ECD: variants seen among roughly 807,000 people sequenced by gnomAD.
ECD encodes protein ecdysoneless homolog.
In ECD, 59 loss-of-function variants were observed where a neutral mutation model predicts 77.2. The observed-to-expected ratio is 0.76, with a 90% CI of 0.62 to 0.95. The LOEUF (loss-of-function observed/expected upper bound fraction) is 0.95. ECD is among the 40% of genes least tolerant of loss of function. The pLI is 0.00. For missense variants in ECD, 704 were observed against 763.4 expected, an observed-to-expected ratio of 0.92 and a Z score of 0.92; for synonymous variants, 233 against 267.4, an observed-to-expected ratio of 0.87 and a Z score of 1.26.
chr10:73,146,146 C>G, intron 9 of ECD, 130 bp downstream of exon 9: 1 of 325,838 alleles, frequency 3.1e-6, no homozygotes, highest in Non-Finnish European at 4.8e-6. Context: ...GCGGAGGTTG[C>G]CAGCCTGGGT....
intron 2 of ECD, 23 bp downstream of exon 2, chr10:73,163,710 C>T: frequency 6.2e-7 from 1 of 1,610,404 alleles, no homozygotes. Context: ...TCACACTAAT[C>T]CAAACAAGTA....
At chr10:73,158,295 A>G (rs1843327447) in intron 3 of ECD, among the ~76,000 whole-genome samples, 1 of 152,172 alleles carries the variant, frequency 6.6e-6, no homozygotes, top group African/African-American at 2.4e-5. Context: ...TTGCTAAGGC[A>G]GTAGATTTTA....
chr10:73,140,104 C>G (rs1843033198), intron 9 of ECD, among the ~76,000 whole-genome samples: 3 of 151,942 alleles, frequency 2.0e-5, no homozygotes, highest in East Asian at 2.0e-4. Context: ...CCTGCCTCAA[C>G]CTCCCAAGTA....
At chr10:73,163,695 A>C in intron 2 of ECD, 38 bp downstream of exon 2, 1 of 1,593,852 alleles carries the variant, frequency 6.3e-7, no homozygotes, top group Non-Finnish European at 8.6e-7. Flanking sequence ...GGATAACATT[A>C]AAAGTCACAC....
intron 5 of ECD, among the ~76,000 whole-genome samples, chr10:73,155,638 G>A (rs7478608): frequency 0.01 from 1,366 of 130,916 alleles, 22 homozygotes; most frequent in African/African-American, 0.028. Flanking sequence ...TCCTACTGTC[G>A]CCCAGGCTGG....
intron 1 of ECD, among the ~76,000 whole-genome samples, chr10:73,166,552 C>A (rs1240863326): frequency 6.6e-6 from 1 of 152,158 alleles, no homozygotes; most frequent in Non-Finnish European, 1.5e-5. Context: ...ATTTGCATTT[C>A]TCTGATAATC....
chr10:73,157,181 T>C (rs1449751921), intron 3 of ECD, among the ~76,000 whole-genome samples: 2 of 151,402 alleles, frequency 1.3e-5, no homozygotes, highest in African/African-American at 4.8e-5. Flanking sequence ...TCCTGAGTAG[T>C]TGGGATTACA....
intron 8 of ECD, among the ~76,000 whole-genome samples, chr10:73,146,861 T>C (rs1843136804): frequency 6.6e-6 from 1 of 152,184 alleles, no homozygotes; most frequent in Non-Finnish European, 1.5e-5. Context: ...GAATAAAAAA[T>C]GGCAAAATCC....
chr10:73,157,021 A>G (rs908055062), intron 3 of ECD, among the ~76,000 whole-genome samples: 2 of 152,092 alleles, frequency 1.3e-5, no homozygotes, highest in African/African-American at 4.8e-5. Context: ...GCCTGAAAAG[A>G]TAATTATTTC....
chr10:73,144,472 A>T (rs1188753010), intron 9 of ECD, among the ~76,000 whole-genome samples: 1 of 152,132 alleles, frequency 6.6e-6, no homozygotes, highest in Non-Finnish European at 1.5e-5. Context: ...TCTAGGCAAC[A>T]GAGTGAGACT....
At chr10:73,153,156 G>A (rs768172869) in intron 6 of ECD, among the ~76,000 whole-genome samples, 1 of 151,854 alleles carries the variant, frequency 6.6e-6, no homozygotes, top group African/African-American at 2.4e-5. Context: ...GACCTCAGGT[G>A]ATCTGCCCAC....
chr10:73,160,656 A>ACTTAGAGCAATC, intron 2 of ECD, 105 bp from the exon 3 acceptor site: 1 of 803,568 alleles, frequency 1.2e-6, no homozygotes, highest in Non-Finnish European at 1.9e-6. Flanking sequence ...TGATTGCTCT[A>ACTTAGAGCAATC]AGTACTGGGG....
At position 73,148,483 on chromosome 10, in the gene ECD, T is replaced by G. The variant is rs550567790; in HGVS notation, c.913-79A>C. 3 of 1,519,362 alleles carry G rather than the reference T, an allele frequency of 2.0e-6. No individual in the cohort carries two copies. In the African/African-American group the frequency reaches 4.1e-5, roughly 21 times the overall value. The allele number at this position is 1,519,362 out of a possible 1,614,324, so 94.1% of individuals were successfully genotyped here. ...ATTATAACACATTACTTTTTTTCCA[T>G]TGAGCCACACTCTAGAACTAGATGA... On this transcript the variant is annotated intron_variant, in intron 7 of 13. Coordinates refer to ENST00000372979, the MANE Select transcript of ECD (RefSeq NM_007265.3).
chr10:73,137,390 G>A (rs1457465317), intron 12 of ECD, among the ~76,000 whole-genome samples: 1 of 151,914 alleles, frequency 6.6e-6, no homozygotes, highest in Non-Finnish European at 1.5e-5. Flanking sequence ...TTTTATTACT[G>A]ATTTGTAAGT....
intron 1 of ECD, among the ~76,000 whole-genome samples, 152 bp from the exon 2 acceptor site, chr10:73,164,102 G>C (rs552804093): frequency 6.6e-6 from 1 of 152,066 alleles, no homozygotes; most frequent in Non-Finnish European, 1.5e-5. Context: ...TTGGGAGGCC[G>C]AGACAGGCAG....
chr10:73,141,232 G>A (rs911032042), intron 9 of ECD, among the ~76,000 whole-genome samples: 7 of 151,146 alleles, frequency 4.6e-5, no homozygotes, highest in African/African-American at 1.2e-4. Context: ...GGCCGGGTGC[G>A]GTGGCTCACG....
chr10:73,162,928 T>C (rs1459347354), intron 2 of ECD, among the ~76,000 whole-genome samples: 1 of 152,124 alleles, frequency 6.6e-6, no homozygotes, highest in African/African-American at 2.4e-5. Context: ...GCTGGGAACA[T>C]ACCAAGGAAA....
chr10:73,139,847 G>GTTTTTTTTTTT (rs199551005), intron 9 of ECD, 110 bp from the exon 10 acceptor site: 1 of 495,436 alleles, frequency 2.0e-6, no homozygotes, highest in Non-Finnish European at 3.2e-6. Context: ...AATTTGGGGA[G>GTTTTTTTTTTT]TGTTTTTTTT....
In ECD at chr10:73,152,377, C is replaced by T. The variant is rs1451297944; in HGVS notation, c.828G>A (p.Arg276=). 2.5e-6 allele frequency: 4 copies of T among 1,613,874 alleles called. No homozygotes were observed. The highest frequency in any genetic ancestry group is 3.4e-6 in the Non-Finnish European group (4 of 1,179,828). ...KCLYAQLVQQ[R]FVPDRRSGYR... is the part of the protein sequence containing the mutation. ...ATCCACTCCGCCGGTCTGGCACAAA[C>T]CTTTGTTGCACCAATTGTGCATATA... Residue 276 remains arginine, a synonymous_variant, in exon 7 of 14, where the codon AGG becomes AGA. Coordinates refer to ENST00000372979, the MANE Select transcript of ECD (RefSeq NM_007265.3).
Sources: allele counts gnomAD v4.1 joint callset (sites outside exome capture counted in the v4.1 genomes callset), GRCh38; gene constraint gnomAD v4.1.1; transcripts MANE v1.5; gene names NCBI Gene and HGNC (gene_info 2026-07-23, HGNC 2026-07-21).